The following PKIG variants were observed in gnomAD, a reference collection of about 807,000 sequenced individuals.
The protein encoded by PKIG is cAMP-dependent protein kinase inhibitor gamma.
A neutral mutation model predicts 6.8 loss-of-function variants in PKIG; 1 was observed. The ratio of observed to expected loss-of-function variants is 0.15; its 90% confidence interval spans 0.05 to 0.69. The LOEUF is 0.69. PKIG is among the 30% of genes least tolerant of loss of function. PKIG has a pLI of 0.82. For synonymous variants in PKIG, 39 were observed against 43.0 expected (o/e 0.91, Z 0.36); for missense variants, 77 against 104.0 (o/e 0.74, Z 1.13).
In PKIG at chr20:44,618,576, C is replaced by T. The variant is rs1047877358; in HGVS notation, c.*212C>T. 1.9e-6 allele frequency: 1 copy of T among 521,024 alleles called. No individual in the cohort carries two copies. The highest frequency in any genetic ancestry group is 1.9e-5 in the African/African-American group (1 of 51,782). 32.3% of individuals were successfully genotyped at this position (521,024 alleles called of 1,614,324 possible). A position where few individuals can be genotyped will look rare whatever the true frequency, so the allele number is the denominator to read the frequency against. ...GCTTCACATTCCCACCACCTTCGCA[C>T]CGTGCCCAGGTACACTTTCAAGACA... On this transcript the variant is annotated 3_prime_UTR_variant, in exon 4 of 4. Coordinates refer to ENST00000372886, the MANE Select transcript of PKIG (RefSeq NM_001281445.2).
At chr20:44,533,173 T>C (rs1269291429) in intron 1 of PKIG, among the ~76,000 whole-genome samples, 1 of 152,018 alleles carries the variant, frequency 6.6e-6, no homozygotes, top group East Asian at 1.9e-4. Flanking sequence ...TTCATATATA[T>C]GTGTGTGTGT....
chr20:44,548,575 A>G (rs754079419), intron 1 of PKIG, among the ~76,000 whole-genome samples: 7 of 152,154 alleles, frequency 4.6e-5, no homozygotes, highest in South Asian at 2.1e-4. Context: ...AAGGAAAACT[A>G]TTTGCTGGGG....
chr20:44,548,101 C>T (rs2064632767), intron 1 of PKIG, among the ~76,000 whole-genome samples: 1 of 152,072 alleles, frequency 6.6e-6, no homozygotes, highest in Non-Finnish European at 1.5e-5. Flanking sequence ...ATTACTTGAA[C>T]TTGGGAGGTG....
chr20:44,615,634 CCACAGAGGCCG>C (rs780677914), intron 3 of PKIG, among the ~76,000 whole-genome samples: 12 of 152,168 alleles, frequency 7.9e-5, no homozygotes, highest in Admixed American at 5.2e-4. Flanking sequence ...TCTCACAGCG[CCACAGAGGCCG>C]TGTGTGCTTC....
chr20:44,596,929 T>C (rs751681824), intron 2 of PKIG, among the ~76,000 whole-genome samples: 5 of 152,150 alleles, frequency 3.3e-5, no homozygotes, highest in Non-Finnish European at 5.9e-5. Flanking sequence ...GTGACTGTCA[T>C]TCCACTCACC....
chr20:44,613,163 A>G (rs770068656), intron 2 of PKIG, among the ~76,000 whole-genome samples: 4 of 152,026 alleles, frequency 2.6e-5, no homozygotes, highest in Admixed American at 6.6e-5. Context: ...AAGAACTACT[A>G]ATTTATTTTT....
At chr20:44,570,387 G>A (rs992320526) in intron 1 of PKIG, among the ~76,000 whole-genome samples, 1 of 152,178 alleles carries the variant, frequency 6.6e-6, no homozygotes, top group African/African-American at 2.4e-5. Context: ...TCCACAACTA[G>A]GATGGTTTGG....
chr20:44,611,519 ACTT>A (rs2065218881), intron 2 of PKIG, among the ~76,000 whole-genome samples: 1 of 140,840 alleles, frequency 7.1e-6, no homozygotes, highest in Admixed American at 7.0e-5. Context: ...TTCTATATCA[ACTT>A]TTTTTTTTTT....
intron 2 of PKIG, among the ~76,000 whole-genome samples, chr20:44,613,478 T>C (rs562400876): frequency 6.6e-6 from 1 of 152,138 alleles, no homozygotes; most frequent in Admixed American, 6.5e-5. Context: ...AGCCTACCTC[T>C]CCCCTTGGAG....
chr20:44,593,696 T>C (rs570284675), intron 2 of PKIG, among the ~76,000 whole-genome samples: 2 of 152,194 alleles, frequency 1.3e-5, no homozygotes, highest in Non-Finnish European at 1.5e-5. Flanking sequence ...AGCATGGTAA[T>C]TACAGTTAAT....
At chr20:44,615,320 C>T (rs565989071) in intron 3 of PKIG, among the ~76,000 whole-genome samples, 3 of 152,256 alleles carry the variant, frequency 2.0e-5, no homozygotes, top group African/African-American at 7.2e-5. Context: ...GGGGCCTTCT[C>T]TGAGTGCTAG....
At chr20:44,560,053 A>G (rs2123237797) in intron 1 of PKIG, among the ~76,000 whole-genome samples, 1 of 144,712 alleles carries the variant, frequency 6.9e-6, no homozygotes, top group East Asian at 1.9e-4. Flanking sequence ...AGAAGAAAAT[A>G]TGAAAAAAAT....
At chr20:44,584,389 GAGA>G (rs1488799090) in intron 1 of PKIG, among the ~76,000 whole-genome samples, 2 of 150,960 alleles carry the variant, frequency 1.3e-5, no homozygotes, top group South Asian at 2.1e-4. Flanking sequence ...AAGAAAGAGG[GAGA>G]AGAAGGGGGA....
At chr20:44,592,786 C>T (rs1182340022) in intron 2 of PKIG, among the ~76,000 whole-genome samples, 1 of 152,142 alleles carries the variant, frequency 6.6e-6, no homozygotes, top group East Asian at 1.9e-4. Context: ...GCAGTTCAGC[C>T]TGTTCTGGAA....
intron 3 of PKIG, 106 bp from the exon 4 acceptor site, chr20:44,618,179 C>G: frequency 3.9e-6 from 3 of 776,732 alleles, no homozygotes; most frequent in South Asian, 1.4e-5. Context: ...TCTTGCTCCC[C>G]AGGGCATATC....
chr20:44,534,571 C>T (rs750040552), intron 1 of PKIG, among the ~76,000 whole-genome samples: 2 of 151,642 alleles, frequency 1.3e-5, no homozygotes, highest in Non-Finnish European at 2.9e-5. Flanking sequence ...TGTGCTCAAG[C>T]GATCCACCTG....
intron 1 of PKIG, among the ~76,000 whole-genome samples, chr20:44,575,534 G>A (rs2064889823): frequency 6.6e-6 from 1 of 152,174 alleles, no homozygotes; most frequent in African/African-American, 2.4e-5. Flanking sequence ...AAGGGGATAG[G>A]TCTCAGTTCA....
intron 1 of PKIG, among the ~76,000 whole-genome samples, chr20:44,548,847 C>A (rs2064640154): frequency 7.4e-6 from 1 of 135,120 alleles, no homozygotes; most frequent in Non-Finnish European, 1.6e-5. Context: ...TCCAGCCACT[C>A]CTCCCACCAC....
intron 2 of PKIG, among the ~76,000 whole-genome samples, chr20:44,610,539 T>C (rs2065209032): frequency 8.2e-6 from 1 of 121,496 alleles, no homozygotes; most frequent in African/African-American, 3.8e-5. Flanking sequence ...CCTGCAGCAC[T>C]TACTGGCTCA....
Sources: gnomAD v4.1 joint callset for allele counts (sites outside exome capture counted in the v4.1 genomes callset) on GRCh38, gnomAD v4.1.1 for gene constraint, MANE v1.5 for transcripts, NCBI Gene and HGNC (gene_info 2026-07-23, HGNC 2026-07-21) for gene names.